Variants in EXT1 observed in about 807,000 individuals in gnomAD.
EXT1 encodes the protein exostosin glycosyltransferase 1, also known as exostosin-1.
EXT1 carries 20 observed loss-of-function variants against 82.5 expected under a neutral mutation model. The ratio of observed to expected loss-of-function variants is 0.24; its 90% CI spans 0.17 to 0.35. The LOEUF is 0.35. Ranked by LOEUF, EXT1 falls within the 10% of genes least tolerant of loss-of-function variation. The pLI, the probability that EXT1 is intolerant of heterozygous loss-of-function variation, is 1.00. For synonymous variants in EXT1, 348 were observed against 350.8 expected (o/e 0.99, Z 0.09); for missense variants, 757 against 936.5 (o/e 0.81, Z 2.50).
At chr8:117,980,697 GGTTTTTT>G (rs1815175336) in intron 1 of EXT1, among the ~76,000 whole-genome samples, 2 of 27,584 alleles carry the variant, frequency 7.3e-5, no homozygotes, top group Non-Finnish European at 1.2e-4. Flanking sequence ...GGGTGTTGGT[GGTTTTTT>G]TTTTTTTTTT....
intron 1 of EXT1, among the ~76,000 whole-genome samples, chr8:117,937,093 C>T (rs1451161873): frequency 6.6e-6 from 1 of 152,160 alleles, no homozygotes; most frequent in South Asian, 2.1e-4. Flanking sequence ...CCAATATCCC[C>T]TCAAAACACA....
At chr8:117,865,773 T>C (rs144786537) in intron 1 of EXT1, among the ~76,000 whole-genome samples, 3 of 152,338 alleles carry the variant, frequency 2.0e-5, no homozygotes, top group African/African-American at 7.2e-5. Flanking sequence ...AGTCTAGAAA[T>C]GCATCTAGGT....
intron 1 of EXT1, among the ~76,000 whole-genome samples, chr8:117,939,493 C>G (rs533976243): frequency 6.7e-6 from 1 of 149,422 alleles, no homozygotes; most frequent in Non-Finnish European, 1.5e-5. Flanking sequence ...CACTTGAACC[C>G]GGGAAGCAGA....
At chr8:117,826,278 G>C (rs1464635716) in intron 4 of EXT1, among the ~76,000 whole-genome samples, 4 of 152,126 alleles carry the variant, frequency 2.6e-5, no homozygotes, top group Non-Finnish European at 5.9e-5. Context: ...CTGAGTCTAA[G>C]CACTCTACCT....
intron 1 of EXT1, among the ~76,000 whole-genome samples, chr8:117,992,054 C>T (rs1283325408): frequency 1.3e-5 from 2 of 152,140 alleles, no homozygotes; most frequent in Admixed American, 6.5e-5. Flanking sequence ...TATTCCTGAC[C>T]AGAAAGAAAA....
chr8:117,964,981 A>G (rs939745268), intron 1 of EXT1, among the ~76,000 whole-genome samples: 1 of 152,168 alleles, frequency 6.6e-6, no homozygotes, highest in African/African-American at 2.4e-5. Context: ...AGGTGCCTAG[A>G]AGGATGTCTC....
At chr8:117,880,427 T>C (rs184428988) in intron 1 of EXT1, among the ~76,000 whole-genome samples, 1 of 152,344 alleles carries the variant, frequency 6.6e-6, no homozygotes, top group African/African-American at 2.4e-5. Flanking sequence ...TGACAGGTTT[T>C]CCTACTGCCT....
intron 1 of EXT1, among the ~76,000 whole-genome samples, chr8:117,892,505 C>T (rs1158012251): frequency 6.6e-6 from 1 of 152,100 alleles, no homozygotes; most frequent in East Asian, 1.9e-4. Flanking sequence ...TCGCATCAAA[C>T]TACAGAACCC....
chr8:117,982,513 C>T (rs772318009), intron 1 of EXT1, among the ~76,000 whole-genome samples: 10 of 151,440 alleles, frequency 6.6e-5, no homozygotes, highest in Middle Eastern at 3.2e-3. Flanking sequence ...TTTTTTGAGA[C>T]GGAGTCTTGC....
intron 10 of EXT1, among the ~76,000 whole-genome samples, chr8:117,800,930 T>C (rs975714847): frequency 4.6e-5 from 7 of 152,198 alleles, no homozygotes; most frequent in Admixed American, 3.9e-4. Flanking sequence ...TTATGAAACA[T>C]GGAAAAGATG....
intron 1 of EXT1, among the ~76,000 whole-genome samples, chr8:117,982,247 A>G (rs1397236613): frequency 6.6e-6 from 1 of 152,136 alleles, no homozygotes; most frequent in African/African-American, 2.4e-5. Flanking sequence ...CGGGTGTAAG[A>G]CTGACATATC....
chr8:118,084,402 T>C (rs1817384222), intron 1 of EXT1, among the ~76,000 whole-genome samples: 1 of 152,248 alleles, frequency 6.6e-6, no homozygotes, highest in Non-Finnish European at 1.5e-5. Flanking sequence ...ATCTTGTTCA[T>C]GCTTGGTTGT....
chr8:118,073,318 C>T (rs1294794710), intron 1 of EXT1, among the ~76,000 whole-genome samples: 1 of 152,148 alleles, frequency 6.6e-6, no homozygotes, highest in Non-Finnish European at 1.5e-5. Flanking sequence ...GGACGGCATT[C>T]ATCAGAAATA....
intron 1 of EXT1, among the ~76,000 whole-genome samples, chr8:117,909,761 T>C (rs1395168378): frequency 7.4e-6 from 1 of 134,788 alleles, no homozygotes; most frequent in East Asian, 2.3e-4. Flanking sequence ...AGGTTGTAAA[T>C]TAATTTTTTT....
chr8:117,827,784 C>CAAAAAAAAA lies in EXT1; in HGVS notation c.1284+2437_1284+2445dup, dbSNP rs768731740. ...TGGGGGACAGGGTGAGACTCTGTCT[C>CAAAAAAAAA]AAAAAAAAAAAAAAAAAAAAAAAAA... On this transcript the variant is annotated intron_variant, in intron 4 of 10. Transcript: ENST00000378204. 1.0e-3 allele frequency among the ~76,000 whole-genome samples: 56 copies of CAAAAAAAAA among 54,134 alleles called. 2 individuals are homozygous for CAAAAAAAAA. The highest frequency in any genetic ancestry group is 2.7e-3 in the African/African-American group (34 of 12,554). 35.5% of individuals were successfully genotyped at this position (54,134 alleles called of 152,430 possible). A position where few individuals can be genotyped will look rare whatever the true frequency, so the allele number is the denominator to read the frequency against.
At chr8:117,853,338 AGTTCAAGACT>A (rs1190041094) in intron 1 of EXT1, among the ~76,000 whole-genome samples, 1 of 152,182 alleles carries the variant, frequency 6.6e-6, no homozygotes, top group Non-Finnish European at 1.5e-5. Flanking sequence ...TGAGGTCAGG[AGTTCAAGACT>A]GGCCTGGCCA....
intron 4 of EXT1, among the ~76,000 whole-genome samples, chr8:117,829,590 T>TTTTTTAGG (rs1812063823): frequency 6.8e-6 from 1 of 146,008 alleles, no homozygotes; most frequent in Non-Finnish European, 1.5e-5. Flanking sequence ...TTTTTTTTTT[T>TTTTTTAGG]GAGGTGGAGT....
chr8:117,869,165 T>C (rs184996730), intron 1 of EXT1, among the ~76,000 whole-genome samples: 19 of 152,300 alleles, frequency 1.2e-4, no homozygotes, highest in African/African-American at 4.3e-4. Context: ...GTCCTCCAGT[T>C]TGCTCTGTGA....
chr8:117,981,871 G>GA (rs1218290568), intron 1 of EXT1, among the ~76,000 whole-genome samples: 9 of 151,336 alleles, frequency 5.9e-5, no homozygotes, highest in Admixed American at 3.3e-4. Context: ...GAGCAAGACT[G>GA]AAAAAAAAGG....
Sources: gnomAD v4.1 joint callset for allele counts (sites outside exome capture counted in the v4.1 genomes callset) on GRCh38, gnomAD v4.1.1 for gene constraint, MANE v1.5 for transcripts, NCBI Gene and HGNC (gene_info 2026-07-23, HGNC 2026-07-21) for gene names.